Variants in LRRC38 observed in about 807,000 individuals in gnomAD.
The protein encoded by LRRC38 is leucine rich repeat containing 38.
LRRC38 carries 5 observed loss-of-function variants against 16.4 expected under a neutral mutation model. The ratio of observed to expected loss-of-function variants is 0.31; its 90% CI spans 0.16 to 0.64. The LOEUF is 0.64. LRRC38 is among the 30% of genes least tolerant of loss of function. The pLI, the probability that LRRC38 is intolerant of heterozygous loss-of-function variation, is 0.80. For synonymous variants in LRRC38, 191 were observed against 190.2 expected (o/e 1.00, Z -0.04); for missense variants, 341 against 401.8 (o/e 0.85, Z 1.29).
intron 1 of LRRC38, among the ~76,000 whole-genome samples, chr1:13,481,799 C>T (rs1198104972): frequency 0.035 from 4,328 of 124,148 alleles, 233 homozygotes; most frequent in African/African-American, 0.12. Context: ...CTCTCTCTCT[C>T]TCTCTCTCTC....
intron 1 of LRRC38, among the ~76,000 whole-genome samples, chr1:13,485,896 T>G (rs1396123691): frequency 6.6e-6 from 1 of 152,138 alleles, no homozygotes; most frequent in African/African-American, 2.4e-5. Flanking sequence ...CTCCAAAGGT[T>G]CTGGGGAGAA....
At chr1:13,489,664 C>T (rs191738827) in intron 1 of LRRC38, among the ~76,000 whole-genome samples, 2 of 152,192 alleles carry the variant, frequency 1.3e-5, no homozygotes, top group East Asian at 1.9e-4. Flanking sequence ...AGGAGGCAGC[C>T]GAGAAGGGAC....
chr1:13,506,701 C>T lies in LRRC38; in HGVS notation c.631+6262G>A, dbSNP rs970121169. Among the ~76,000 whole-genome samples the T allele has an allele frequency of 2.0e-5, 3 of 152,192 alleles. No homozygotes were observed. In the East Asian group the frequency reaches 5.8e-4, roughly 29 times the overall value. On this transcript the variant is annotated intron_variant, in intron 1 of 1. Coordinates refer to ENST00000376085, the MANE Select transcript of LRRC38 (RefSeq NM_001010847.2). The stretch of plus-strand genomic sequence containing the variant: ...CCTGAACTCCTGACTTCAGGTGATT[C>T]GCCCGCCTTGGCCTCCCAAAGTGCT...
At chr1:13,512,932 TC>T in intron 1 of LRRC38, 30 bp downstream of exon 1, 1 of 495,298 alleles carries the variant, frequency 2.0e-6, no homozygotes, top group Non-Finnish European at 3.0e-6. Flanking sequence ...CCCCCCTCCC[TC>T]CCTCCCCCAG....
chr1:13,494,017 C>T (rs958859233), intron 1 of LRRC38, among the ~76,000 whole-genome samples: 2 of 152,124 alleles, frequency 1.3e-5, no homozygotes. Flanking sequence ...GAGCCAAGAT[C>T]GCACCACTGC....
At chr1:13,480,360 T>C (rs1484564826) in intron 1 of LRRC38, among the ~76,000 whole-genome samples, 1 of 142,286 alleles carries the variant, frequency 7.0e-6, no homozygotes, top group East Asian at 2.2e-4. Context: ...ATAAACAAAC[T>C]GTCTCCAGAC....
At chr1:13,485,136 G>A (rs1225099650) in intron 1 of LRRC38, among the ~76,000 whole-genome samples, 1 of 152,060 alleles carries the variant, frequency 6.6e-6, no homozygotes, top group Non-Finnish European at 1.5e-5. Flanking sequence ...AATTAGCTAG[G>A]CGTGATGGCG....
At position 13,488,664 on chromosome 1, in the gene LRRC38, T is replaced by C. The variant is rs556523465; in HGVS notation, c.632-12565A>G. On this transcript the variant is annotated intron_variant, in intron 1 of 1. Coordinates refer to ENST00000376085, the MANE Select transcript of LRRC38 (RefSeq NM_001010847.2). The stretch of plus-strand genomic sequence containing the variant: ...TTGCGCCAACACTGGATTTTGTCAC[T>C]CTTTCATCTTTATCAATCTGATAAG... Among the ~76,000 whole-genome samples, 3 of 152,324 alleles carry C rather than the reference T, an allele frequency of 2.0e-5. No homozygotes were observed. The South Asian group carries it at 6.2e-4, about 32-fold the overall frequency.
chr1:13,498,745 T>C (rs1639111874), intron 1 of LRRC38, among the ~76,000 whole-genome samples: 1 of 152,246 alleles, frequency 6.6e-6, no homozygotes, highest in African/African-American at 2.4e-5. Context: ...CATTATCCCC[T>C]GCAGGTGTTT....
chr1:13,495,949 T>C (rs1376665248), intron 1 of LRRC38, among the ~76,000 whole-genome samples: 1 of 152,070 alleles, frequency 6.6e-6, no homozygotes, highest in Non-Finnish European at 1.5e-5. Flanking sequence ...ACATCAATTT[T>C]CCTATATCAG....
intron 1 of LRRC38, among the ~76,000 whole-genome samples, chr1:13,493,023 C>T (rs892126722): frequency 2.0e-5 from 3 of 152,178 alleles, no homozygotes; most frequent in South Asian, 2.1e-4. Flanking sequence ...GTGCTGTGTG[C>T]GACAGTCATT....
chr1:13,504,091 G>A (rs2100519011), intron 1 of LRRC38, among the ~76,000 whole-genome samples: 1 of 152,330 alleles, frequency 6.6e-6, no homozygotes, highest in Non-Finnish European at 1.5e-5. Flanking sequence ...TACGTATCTG[G>A]TCTGTTTGGC....
intron 1 of LRRC38, among the ~76,000 whole-genome samples, chr1:13,481,180 C>T (rs1048171228): frequency 6.6e-6 from 1 of 152,060 alleles, no homozygotes; most frequent in African/African-American, 2.4e-5. Context: ...GGCGCGATCT[C>T]GACTCACCAC....
intron 1 of LRRC38, among the ~76,000 whole-genome samples, chr1:13,498,128 C>T (rs1369981702): frequency 1.3e-5 from 2 of 152,054 alleles, no homozygotes; most frequent in East Asian, 3.9e-4. Context: ...GCAGCCCAAG[C>T]GTTTTCAGCT....
intron 1 of LRRC38, among the ~76,000 whole-genome samples, chr1:13,481,549 G>A (rs1009247358): frequency 6.0e-5 from 9 of 151,244 alleles, no homozygotes; most frequent in South Asian, 2.1e-4. Flanking sequence ...CCACCACCAC[G>A]CCCGGCTAAT....
At chr1:13,501,586 GT>G (rs1310308217) in intron 1 of LRRC38, among the ~76,000 whole-genome samples, 1 of 40,424 alleles carries the variant, frequency 2.5e-5, no homozygotes, top group Non-Finnish European at 8.1e-5. Context: ...TTTTTGTGGA[GT>G]TTTTTGTTTT....
chr1:13,507,007 T>C (rs1027744733), intron 1 of LRRC38, among the ~76,000 whole-genome samples: 1 of 152,236 alleles, frequency 6.6e-6, no homozygotes, highest in Non-Finnish European at 1.5e-5. Flanking sequence ...GTCCACTGTC[T>C]TATGTTGTTC....
At chr1:13,480,660 ATGT>A (rs955781843) in intron 1 of LRRC38, among the ~76,000 whole-genome samples, 3 of 151,858 alleles carry the variant, frequency 2.0e-5, no homozygotes, top group Non-Finnish European at 4.4e-5. Context: ...CACTACCATG[ATGT>A]TTTTAGAAAT....
rs1483028259 is a variant in LRRC38, at chr1:13,475,826, G to A, written c.*20C>T. On this transcript the variant is annotated 3_prime_UTR_variant, in exon 2 of 2. Transcript: ENST00000376085. This position sits in a 1 kb window ranked among gnomAD's most constrained non-coding sequence, Gnocchi z 4.3. ...TCTGGTTCGGTGCTGGAGAGTAAGAGGCAGGAGGGAGGAGGTGGCTCAGTC... is the reference window on the plus strand; with the variant it reads ...TCTGGTTCGGTGCTGGAGAGTAAGAAGCAGGAGGGAGGAGGTGGCTCAGTC... 1.3e-6 allele frequency: 2 copies of A among 1,546,940 alleles called. No homozygotes were observed. The highest frequency in any genetic ancestry group is 1.2e-5 in the South Asian group (1 of 83,876).
Sources: allele counts gnomAD v4.1 joint callset (sites outside exome capture counted in the v4.1 genomes callset), GRCh38; gene constraint gnomAD v4.1.1; non-coding constraint Gnocchi (gnomAD v3.1); transcripts MANE v1.5; gene names NCBI Gene and HGNC (gene_info 2026-07-23, HGNC 2026-07-21).